The following GSG1L variants were observed in gnomAD, a reference collection of about 807,000 sequenced individuals.
The protein encoded by GSG1L is germ cell-specific gene 1-like protein.
Under a neutral mutation model 42.1 loss-of-function variants are expected in GSG1L, and 24 were observed. That is an observed-to-expected ratio of 0.57 (90% CI 0.41 to 0.80). GSG1L has a LOEUF of 0.80. GSG1L is among the 30% of genes least tolerant of loss of function. GSG1L has a pLI of 0.00. For synonymous variants in GSG1L, 215 were observed against 203.5 expected, an observed-to-expected ratio of 1.06 and a Z score of -0.48; for missense variants, 445 against 472.2, an observed-to-expected ratio of 0.94 and a Z score of 0.53.
At chr16:27,910,643 C>G (rs1198754994) in intron 2 of GSG1L, among the ~76,000 whole-genome samples, 1 of 152,170 alleles carries the variant, frequency 6.6e-6, no homozygotes, top group Non-Finnish European at 1.5e-5. Context: ...ATCACAGACA[C>G]CCAAACACAC....
At chr16:28,041,711 T>A (rs2086108013) in intron 1 of GSG1L, among the ~76,000 whole-genome samples, 1 of 152,246 alleles carries the variant, frequency 6.6e-6, no homozygotes, top group Non-Finnish European at 1.5e-5. Context: ...GTGGGTTACC[T>A]GAATCGTCTC....
chr16:28,009,323 C>T (rs2085686411), intron 1 of GSG1L, among the ~76,000 whole-genome samples: 1 of 152,152 alleles, frequency 6.6e-6, no homozygotes, highest in African/African-American at 2.4e-5. Flanking sequence ...AGCTTGTGCC[C>T]TCAAAGTGGC....
intron 2 of GSG1L, among the ~76,000 whole-genome samples, chr16:27,914,095 C>G (rs1276775690): frequency 6.6e-6 from 1 of 151,844 alleles, no homozygotes; most frequent in Non-Finnish European, 1.5e-5. Flanking sequence ...ATCTCAGGAG[C>G]ATTTTTCTGT....
At chr16:27,898,541 GTCTTCCTCCTCC>G (rs373645521) in intron 2 of GSG1L, among the ~76,000 whole-genome samples, 3 of 134,100 alleles carry the variant, frequency 2.2e-5, no homozygotes, top group East Asian at 1.9e-4. Flanking sequence ...TCCCTCCCCT[GTCTTCCTCCTCC>G]TCTTCCTCCT....
intron 1 of GSG1L, chr16:27,998,411 C>T (rs2085543019): frequency 6.6e-6 from 1 of 152,246 alleles, no homozygotes; most frequent in Non-Finnish European, 1.5e-5. Context: ...CTGATGTGGA[C>T]ATCTTTGGAG....
intron 4 of GSG1L, among the ~76,000 whole-genome samples, chr16:27,834,176 T>C (rs535323117): frequency 6.6e-6 from 1 of 152,306 alleles, no homozygotes; most frequent in African/African-American, 2.4e-5. Flanking sequence ...TCAAATGCTT[T>C]TTCTGTATCA....
chr16:27,879,737 AATG>A (rs761331465), intron 3 of GSG1L, among the ~76,000 whole-genome samples: 43 of 152,164 alleles, frequency 2.8e-4, no homozygotes, highest in Admixed American at 3.9e-4. Context: ...ATACAATGTA[AATG>A]ATATGTAAAT....
At chr16:27,892,018 A>C (rs1483487988) in intron 2 of GSG1L, among the ~76,000 whole-genome samples, 2 of 150,432 alleles carry the variant, frequency 1.3e-5, no homozygotes, top group Non-Finnish European at 3.0e-5. Flanking sequence ...CTTGTGGTGC[A>C]AATTCTCCGG....
chr16:28,049,772 T>C (rs2086203093), intron 1 of GSG1L, among the ~76,000 whole-genome samples: 1 of 152,030 alleles, frequency 6.6e-6, no homozygotes, highest in Non-Finnish European at 1.5e-5. Context: ...TCCTCCCCTG[T>C]ACTCCCCCAA....
intron 2 of GSG1L, among the ~76,000 whole-genome samples, chr16:27,887,065 C>T (rs568322201): frequency 6.6e-6 from 1 of 152,236 alleles, no homozygotes; most frequent in African/African-American, 2.4e-5. Context: ...AAGCAATCCT[C>T]CCACCTTAGC....
intron 3 of GSG1L, among the ~76,000 whole-genome samples, chr16:27,873,006 T>C (rs2141013435): frequency 6.6e-6 from 1 of 152,336 alleles, no homozygotes; most frequent in Admixed American, 6.5e-5. Flanking sequence ...ATAAAGTTGC[T>C]TTCACTTTAC....
intron 1 of GSG1L, among the ~76,000 whole-genome samples, chr16:27,994,872 G>C (rs983079681): frequency 3.3e-5 from 5 of 152,176 alleles, no homozygotes; most frequent in Non-Finnish European, 5.9e-5. Flanking sequence ...GTGGTTTACA[G>C]GAACAACATT....
At chr16:27,989,480 C>G (rs1353837707) in intron 1 of GSG1L, among the ~76,000 whole-genome samples, 1 of 152,222 alleles carries the variant, frequency 6.6e-6, no homozygotes, top group East Asian at 1.9e-4. Context: ...TGGTTCACAC[C>G]TGTAATCCCA....
At chr16:28,053,360 C>T (rs1376603082) in intron 1 of GSG1L, among the ~76,000 whole-genome samples, 1 of 152,090 alleles carries the variant, frequency 6.6e-6, no homozygotes, top group East Asian at 1.9e-4. Flanking sequence ...TTATTATTAG[C>T]GTATTATTAT....
At chr16:27,928,742 G>A (rs1353379782) in intron 2 of GSG1L, among the ~76,000 whole-genome samples, 1 of 152,148 alleles carries the variant, frequency 6.6e-6, no homozygotes, top group Non-Finnish European at 1.5e-5. Context: ...CTTTGATGCT[G>A]GTCAGAAGCC....
rs538369677 is a variant in GSG1L at position 27,890,467 on chromosome 16, C to T, written c.398-5829G>A. 2.2e-4 allele frequency among the ~76,000 whole-genome samples: 33 copies of T among 152,300 alleles called. No homozygotes were observed. In the East Asian group the frequency reaches 6.0e-3, roughly 28 times the overall value. ...TGGAAACAGTTCTTGGAGGCTTCCGCTGCACTCCATGCAAAAGATGACGGT... is the reference window on the plus strand; with the variant it reads ...TGGAAACAGTTCTTGGAGGCTTCCGTTGCACTCCATGCAAAAGATGACGGT... On this transcript the variant is annotated intron_variant, in intron 2 of 6. Transcript: ENST00000447459.
rs192877898 is a variant in GSG1L at position 27,819,824 on chromosome 16, G to A, written c.830+8965C>T. Among the ~76,000 whole-genome samples, 213 of 152,304 alleles carry A rather than the reference G, an allele frequency of 1.4e-3. 1 individual carries two copies. The highest frequency in any genetic ancestry group is 1.3e-3 in the Non-Finnish European group (91 of 68,028). On this transcript the variant is annotated intron_variant, in intron 5 of 6. Transcript: ENST00000447459. ...ACCCTGATGACGTTAGCATATTGAG[G>A]AGGCATTGCAGCTTCTGGGGTGAGA...
chr16:28,061,830 TC>T (rs1191760781), intron 1 of GSG1L, among the ~76,000 whole-genome samples: 1 of 151,614 alleles, frequency 6.6e-6, no homozygotes, highest in Non-Finnish European at 1.5e-5. Flanking sequence ...GGTGGGAGAG[TC>T]CCAGTGAAAG....
At chr16:27,914,519 T>C (rs1420500726) in intron 2 of GSG1L, among the ~76,000 whole-genome samples, 1 of 147,382 alleles carries the variant, frequency 6.8e-6, no homozygotes, top group East Asian at 1.9e-4. Flanking sequence ...TTCCTTTTTC[T>C]TTTCTTTTCT....
Sources: gnomAD v4.1 joint callset for allele counts (sites outside exome capture counted in the v4.1 genomes callset) on GRCh38, gnomAD v4.1.1 for gene constraint, MANE v1.5 for transcripts, NCBI Gene and HGNC (gene_info 2026-07-23, HGNC 2026-07-21) for gene names.